The following EPHA6 variants were observed in gnomAD, a reference collection of about 807,000 sequenced individuals.
EPHA6 encodes the protein ephrin type-A receptor 6.
A neutral mutation model predicts 112.0 loss-of-function variants in EPHA6; 50 were observed. The ratio of observed to expected loss-of-function variants is 0.45; its 90% confidence interval spans 0.36 to 0.56. The LOEUF is 0.56. EPHA6 is among the 20% of genes least tolerant of loss of function. EPHA6 has a pLI of 0.00. For synonymous variants in EPHA6, 529 were observed against 490.7 expected, an observed-to-expected ratio of 1.08 and a Z score of -1.03; for missense variants, 1,280 against 1,417.4, an observed-to-expected ratio of 0.90 and a Z score of 1.56.
At chr3:97,593,760 A>C (rs1451342772) in intron 12 of EPHA6, among the ~76,000 whole-genome samples, 3 of 152,198 alleles carry the variant, frequency 2.0e-5, no homozygotes, top group African/African-American at 7.2e-5. Flanking sequence ...TTTTCTACTT[A>C]ATTGAAACAT....
intron 3 of EPHA6, among the ~76,000 whole-genome samples, chr3:97,182,169 G>A (rs370090334): frequency 2.6e-5 from 4 of 151,728 alleles, no homozygotes; most frequent in African/African-American, 7.2e-5. Context: ...TTCTCATTCT[G>A]TCAGTTTGGC....
At chr3:97,429,958 C>T (rs1238439968) in intron 6 of EPHA6, among the ~76,000 whole-genome samples, 4 of 152,196 alleles carry the variant, frequency 2.6e-5, no homozygotes, top group African/African-American at 9.6e-5. Flanking sequence ...AATCTCTGCT[C>T]TAGGCACTAT....
intron 3 of EPHA6, among the ~76,000 whole-genome samples, chr3:97,044,015 A>G (rs534169399): frequency 6.6e-6 from 1 of 152,072 alleles, no homozygotes; most frequent in Non-Finnish European, 1.5e-5. Context: ...ATCTCTCTCT[A>G]TTTCTCCAAT....
intron 9 of EPHA6, chr3:97,481,573 TG>T (rs1411144040): frequency 8.3e-6 from 5 of 602,510 alleles, no homozygotes; most frequent in Non-Finnish European, 1.6e-5. Context: ...CGTCCGGCGC[TG>T]GGGGACTGTT....
At chr3:97,577,708 G>A (rs2093400188) in intron 11 of EPHA6, among the ~76,000 whole-genome samples, 1 of 152,082 alleles carries the variant, frequency 6.6e-6, no homozygotes, top group Non-Finnish European at 1.5e-5. Flanking sequence ...TAGATAATAG[G>A]AAAAGCAAAA....
At position 97,554,670 on chromosome 3, in the gene EPHA6, G is replaced by A. The variant is rs139441810; in HGVS notation, c.2386+22127G>A. ...TGTCATAGTTCCATCTATCCCGTCC[G>A]CCCAACCTCCAGCCTCAGGAGGTAG... On this transcript the variant is annotated intron_variant, in intron 11 of 17. Coordinates refer to ENST00000389672, the MANE Select transcript of EPHA6 (RefSeq NM_001080448.3). Among the ~76,000 whole-genome samples the A allele has an allele frequency of 2.4e-4, 36 of 151,864 alleles. No homozygotes were observed. The East Asian group carries it at 4.3e-3, about 18-fold the overall frequency.
intron 3 of EPHA6, among the ~76,000 whole-genome samples, chr3:97,172,606 G>A (rs1033684782): frequency 6.6e-6 from 1 of 151,876 alleles, no homozygotes; most frequent in African/African-American, 2.4e-5. Context: ...TTTTTTTGGG[G>A]GGGACTGAAT....
intron 3 of EPHA6, among the ~76,000 whole-genome samples, chr3:96,988,777 G>A (rs2043111830): frequency 6.6e-6 from 1 of 152,082 alleles, no homozygotes; most frequent in Non-Finnish European, 1.5e-5. Context: ...GTCAGGAAAT[G>A]TTAACATCGC....
At chr3:96,876,025 A>T (rs1298928353) in intron 2 of EPHA6, among the ~76,000 whole-genome samples, 1 of 151,236 alleles carries the variant, frequency 6.6e-6, no homozygotes, top group Non-Finnish European at 1.5e-5. Flanking sequence ...AATATTTATA[A>T]ACTATTTTAT....
intron 3 of EPHA6, among the ~76,000 whole-genome samples, chr3:97,099,213 T>C (rs1488300141): frequency 6.6e-6 from 1 of 151,890 alleles, no homozygotes; most frequent in Admixed American, 6.6e-5. Flanking sequence ...AGGTATCTAT[T>C]TTCAGCAGAC....
intron 5 of EPHA6, among the ~76,000 whole-genome samples, chr3:97,390,662 T>C (rs913681891): frequency 2.0e-5 from 3 of 151,966 alleles, no homozygotes; most frequent in Non-Finnish European, 4.4e-5. Context: ...CAGAAAACAT[T>C]ATGTAGAATC....
At chr3:97,559,702 C>T (rs1306548149) in intron 11 of EPHA6, 1 of 440,404 alleles carries the variant, frequency 2.3e-6, no homozygotes, top group Non-Finnish European at 4.5e-6. Context: ...TGCTGTCACA[C>T]AAGAGTGAAG....
In EPHA6 at chr3:96,980,331, A is replaced by T. The variant is rs569736036; in HGVS notation, c.451-6999A>T. On this transcript the variant is annotated intron_variant, in intron 2 of 17. Coordinates refer to ENST00000389672, the MANE Select transcript of EPHA6 (RefSeq NM_001080448.3). Reference sequence around the variant, plus strand: ...GGAATCCTTTCCCCATTTCTTGTTTATGTCAGGTTTGTCAAAGATCAGATG... The same window carrying T: ...GGAATCCTTTCCCCATTTCTTGTTTTTGTCAGGTTTGTCAAAGATCAGATG... Among the ~76,000 whole-genome samples the T allele has an allele frequency of 4.8e-3, 730 of 151,734 alleles. 9 individuals carry two copies. The highest frequency in any genetic ancestry group is 0.017 in the Middle Eastern group (5 of 294).
At chr3:97,634,763 A>G (rs1196660732) in intron 13 of EPHA6, among the ~76,000 whole-genome samples, 1 of 152,044 alleles carries the variant, frequency 6.6e-6, no homozygotes, top group Non-Finnish European at 1.5e-5. Flanking sequence ...AGAACATCCC[A>G]TAAAATAGAT....
At chr3:97,576,973 T>C (rs1284584791) in intron 11 of EPHA6, among the ~76,000 whole-genome samples, 1 of 152,178 alleles carries the variant, frequency 6.6e-6, no homozygotes, top group Non-Finnish European at 1.5e-5. Context: ...GGCACCCACA[T>C]TGGTAGAAGG....
At chr3:97,413,736 C>T (rs1160931618) in intron 6 of EPHA6, among the ~76,000 whole-genome samples, 4 of 151,862 alleles carry the variant, frequency 2.6e-5, no homozygotes, top group African/African-American at 9.7e-5. Context: ...TATTTTCTTT[C>T]ACAAGCCAAA....
chr3:97,501,808 G>A (rs1267702937), intron 10 of EPHA6, among the ~76,000 whole-genome samples: 1 of 151,990 alleles, frequency 6.6e-6, no homozygotes, highest in African/African-American at 2.4e-5. Context: ...ATAAAAGAAA[G>A]TAGAAGGAAA....
At chr3:96,829,019 G>A (rs2033844163) in intron 1 of EPHA6, among the ~76,000 whole-genome samples, 1 of 152,092 alleles carries the variant, frequency 6.6e-6, no homozygotes, top group Non-Finnish European at 1.5e-5. Flanking sequence ...TATGGACTAA[G>A]TTCCAGACTC....
rs780244403 is a variant in EPHA6 at position 97,492,547 on chromosome 3, C to CAAAAAAAAAAAA, written c.2200+8524_2200+8535dup. 2.1e-4 allele frequency among the ~76,000 whole-genome samples: 6 copies of CAAAAAAAAAAAA among 28,944 alleles called. 2 individuals are homozygous for CAAAAAAAAAAAA. Among genetic ancestry groups the CAAAAAAAAAAAA allele is most frequent in the African/African-American group, 2.5e-4 (3 of 11,852 alleles). 19.0% of individuals were successfully genotyped at this position (28,944 alleles called of 152,430 possible). A position where few individuals can be genotyped will look rare whatever the true frequency, so the allele number is the denominator to read the frequency against. On this transcript the variant is annotated intron_variant, in intron 10 of 17. Transcript: ENST00000389672. ...ACAGAGCGAGAGTGAGACTCAGTCT[C>CAAAAAAAAAAAA]AAAAAAAAAAAAAAAAAAAAAAAAA...
Sources: allele counts gnomAD v4.1 joint callset (sites outside exome capture counted in the v4.1 genomes callset), GRCh38; gene constraint gnomAD v4.1.1; transcripts MANE v1.5; gene names NCBI Gene and HGNC (gene_info 2026-07-23, HGNC 2026-07-21).